EVC2: variants seen among roughly 807,000 people sequenced by gnomAD.
The protein encoded by EVC2 is EvC ciliary complex subunit 2.
Under a neutral mutation model 149.3 loss-of-function variants are expected in EVC2, and 148 were observed. That is an observed-to-expected ratio of 0.99 (90% confidence interval 0.87 to 1.14). EVC2 has a LOEUF of 1.14. Ranked by LOEUF, EVC2 falls within the 50% of genes most tolerant of loss-of-function variation. The probability of loss-of-function intolerance (pLI) is 0.00; values close to 1 mark genes in which losing one functional copy is unlikely to be tolerated. For synonymous variants in EVC2, 776 were observed against 649.9 expected (o/e 1.19, Z -2.95); for missense variants, 1,854 against 1,627.3 (o/e 1.14, Z -2.40).
At position 5,618,758 on chromosome 4, in the gene EVC2, T is replaced by G. The variant is rs1417961513; in HGVS notation, c.2502-76A>C. ...TGGGCTGGGGTGAAGAAGCCAGAGATGCAAAGCTCATTCCTCATATCCATG... is the reference window on the plus strand; with the variant it reads ...TGGGCTGGGGTGAAGAAGCCAGAGAGGCAAAGCTCATTCCTCATATCCATG... On this transcript the variant is annotated intron_variant, in intron 14 of 21. Transcript: ENST00000344408. This position sits in a 1 kb window ranked among gnomAD's most constrained non-coding sequence, Gnocchi z 4.4. The G allele has an allele frequency of 3.7e-6, 5 of 1,362,030 alleles. No homozygotes were observed. In the South Asian group the frequency reaches 3.8e-5, roughly 10 times the overall value. The allele number at this position is 1,362,030 out of a possible 1,614,324, so 84.4% of individuals were successfully genotyped here.
intron 16 of EVC2, among the ~76,000 whole-genome samples, chr4:5,592,790 C>A (rs1712931926): frequency 1.3e-5 from 2 of 152,312 alleles, no homozygotes; most frequent in South Asian, 4.1e-4. Flanking sequence ...TATGTGGCTC[C>A]TCCCAAGTGC....
In EVC2 at chr4:5,584,773, A is replaced by G; in HGVS notation, c.2907T>C (p.Ala969=). The change falls in exon 17 of 22, where the codon GCT becomes GCC. Residue 969 remains alanine, a synonymous_variant. Coordinates refer to ENST00000344408, the MANE Select transcript of EVC2 (RefSeq NM_147127.5). The part of the protein sequence containing the change: ...QEGGFAQSLV[A]LQFQKASRVT... Reference sequence around the variant, plus strand: ...CCCGGGACGCCTTCTGGAACTGCAGAGCAACAAGCGACTGTGCAAAGCCTC... The same window carrying G: ...CCCGGGACGCCTTCTGGAACTGCAGGGCAACAAGCGACTGTGCAAAGCCTC... The G allele has an allele frequency of 6.2e-7, 1 of 1,614,154 alleles. No individual in the cohort carries two copies. The highest frequency in any genetic ancestry group is 2.2e-5 in the East Asian group (1 of 44,864).
intron 5 of EVC2, among the ~76,000 whole-genome samples, chr4:5,688,211 G>C (rs772534880): frequency 1.3e-5 from 2 of 152,128 alleles, no homozygotes; most frequent in African/African-American, 4.8e-5. Flanking sequence ...CAATAATAGC[G>C]TGTTAAGAAG....
In EVC2 at chr4:5,664,993, G is replaced by GGGGTGACGGGATGCGTGT. The variant is rs371449115; in HGVS notation, c.1005+504_1005+521dup. On this transcript the variant is annotated intron_variant, in intron 8 of 21. Coordinates refer to ENST00000344408, the MANE Select transcript of EVC2 (RefSeq NM_147127.5). ...TGCGTGTGGGTGACAGGATGCATGT[G>GGGGTGACGGGATGCGTGT]GGGTGACGGGATGCGTGTGGGTGAC... Among the ~76,000 whole-genome samples the GGGGTGACGGGATGCGTGT allele has an allele frequency of 2.5e-3, 375 of 148,612 alleles. 17 individuals are homozygous for GGGGTGACGGGATGCGTGT. In the East Asian group the frequency reaches 0.067, roughly 27 times the overall value.
At chr4:5,708,011 G>C (rs1347405742) in intron 1 of EVC2, 1 of 348,234 alleles carries the variant, frequency 2.9e-6, no homozygotes, top group Non-Finnish European at 5.1e-6. Context: ...AACTGCCCTA[G>C]GTCGAAGCTC....
intron 13 of EVC2, 82 bp from the exon 14 acceptor site, chr4:5,623,073 G>T: frequency 2.3e-6 from 3 of 1,294,624 alleles, no homozygotes; most frequent in Non-Finnish European, 3.2e-6. Context: ...GTTGCAGGAA[G>T]CACAGAATGT....
chr4:5,536,599 A>G, the EVC2 span, among the ~76,000 whole-genome samples: 26 of 152,258 alleles, frequency 1.7e-4, no homozygotes, highest in South Asian at 5.4e-3. Flanking sequence ...CTTGGCTAAC[A>G]TGGTGAAACC....
chr4:5,689,201 C>T lies in EVC2; in HGVS notation c.662G>A (p.Arg221Lys), dbSNP rs1720934756. ...GLTIWDSVGN[R>K]TSEGFQAFSK... ...AAAAGCCTGGAATCCTTCCGAGGTC[C>T]TGTTTCCCACAGAGTCCCAAATGGT... Residue 221 changes from arginine to lysine, a missense_variant, in exon 5 of 22, where the codon AGG becomes AAG. Transcript: ENST00000344408. 3 of 1,614,244 alleles carry T rather than the reference C, an allele frequency of 1.9e-6. No homozygotes were observed. The highest frequency in any genetic ancestry group is 2.5e-6 in the Non-Finnish European group (3 of 1,180,042).
downstream of EVC2, among the ~76,000 whole-genome samples, chr4:5,541,547 T>C (rs183214062): frequency 6.6e-6 from 1 of 152,292 alleles, no homozygotes; most frequent in Admixed American, 6.5e-5. Flanking sequence ...TTTCCCTCCG[T>C]ACATGTTTGG....
At chr4:5,556,543 T>C (rs1380190183) in intron 21 of EVC2, among the ~76,000 whole-genome samples, 2 of 151,200 alleles carry the variant, frequency 1.3e-5, no homozygotes, top group East Asian at 1.9e-4. Context: ...TAAAGAAAAA[T>C]GAGTAACTTA....
rs1013594811 is a variant in EVC2, at chr4:5,618,509, A to G, written c.2675T>C (p.Leu892Pro). 6.2e-7 allele frequency: 1 copy of G among 1,613,666 alleles called. No individual in the cohort carries two copies. Among genetic ancestry groups the G allele is most frequent in the Non-Finnish European group, 8.5e-7 (1 of 1,180,038 alleles). The change falls in exon 15 of 22, where the codon CTG (leucine) becomes CCG (proline). Residue 892 changes from leucine to proline, a missense_variant. By Grantham distance (98) the Leu-to-Pro change is moderately conservative (BLOSUM62 -3). Coordinates refer to ENST00000344408, the MANE Select transcript of EVC2 (RefSeq NM_147127.5). The surrounding 1 kb of genome is among the most constrained non-coding windows in gnomAD (Gnocchi z 4.4). ...CTCAGGGGCAGCCACGGCCTGGTCC[A>G]GCTTCACGAACTCTGCTTCTCGCCA... ...TAWREAEFVKLDQAVAAPELQ... is the reference protein window; with the variant it reads ...TAWREAEFVKPDQAVAAPELQ...
intron 9 of EVC2, among the ~76,000 whole-genome samples, chr4:5,643,217 C>T (rs1173356923): frequency 6.6e-6 from 1 of 152,214 alleles, no homozygotes; most frequent in East Asian, 1.9e-4. Flanking sequence ...GAGCTTCAAC[C>T]TGTTTCTTAA....
intron 16 of EVC2, among the ~76,000 whole-genome samples, chr4:5,605,458 G>C (rs1714314488): frequency 6.6e-6 from 1 of 152,084 alleles, no homozygotes; most frequent in African/African-American, 2.4e-5. Context: ...GTTGTTCAAG[G>C]GTCAGATAGA....
intron 10 of EVC2, among the ~76,000 whole-genome samples, chr4:5,632,792 C>G (rs1432543091): frequency 1.3e-5 from 2 of 152,104 alleles, no homozygotes; most frequent in Admixed American, 6.5e-5. Context: ...GGCCTCCCCC[C>G]AATTATCTCA....
At chr4:5,685,211 G>T (rs1193757186) in intron 6 of EVC2, among the ~76,000 whole-genome samples, 159 bp downstream of exon 6, 1 of 152,170 alleles carries the variant, frequency 6.6e-6, no homozygotes, top group Non-Finnish European at 1.5e-5. Context: ...CCAGTTCATG[G>T]CAAGGCGTGT....
chr4:5,610,428 C>A (rs904510978), intron 16 of EVC2, among the ~76,000 whole-genome samples: 1 of 152,166 alleles, frequency 6.6e-6, no homozygotes, highest in Non-Finnish European at 1.5e-5. Flanking sequence ...AAAACGAAAT[C>A]TAAATCACCC....
At chr4:5,592,126 C>T (rs1319224005) in intron 16 of EVC2, among the ~76,000 whole-genome samples, 3 of 152,180 alleles carry the variant, frequency 2.0e-5, no homozygotes, top group South Asian at 2.1e-4. Flanking sequence ...TGCCTAATGT[C>T]AGCTTTCATA....
intron 10 of EVC2, among the ~76,000 whole-genome samples, chr4:5,638,930 GA>G (rs1018337823): frequency 1.9e-3 from 279 of 150,554 alleles, no homozygotes; most frequent in Admixed American, 3.0e-3. Context: ...TTATATAACA[GA>G]AAAAAATTCT....
chr4:5,594,235 C>T lies in EVC2; in HGVS notation c.2830-9385G>A, dbSNP rs576858790. On this transcript the variant is annotated intron_variant, in intron 16 of 21. Coordinates refer to ENST00000344408, the MANE Select transcript of EVC2 (RefSeq NM_147127.5). ...AGAGACCAGTGGTTCTCCCAGCACG[C>T]AGCTGGAGATCTGAGAACGGGCAGA... Among the ~76,000 whole-genome samples the T allele has an allele frequency of 4.6e-5, 7 of 152,308 alleles. No homozygotes were observed. In the East Asian group the frequency reaches 1.4e-3, roughly 30 times the overall value.
Sources: allele counts gnomAD v4.1 joint callset (sites outside exome capture counted in the v4.1 genomes callset), GRCh38; gene constraint gnomAD v4.1.1; non-coding constraint Gnocchi (gnomAD v3.1); transcripts MANE v1.5; gene names NCBI Gene and HGNC (gene_info 2026-07-23, HGNC 2026-07-21).